The following NEBL variants were observed in gnomAD, a reference collection of about 807,000 sequenced individuals.
NEBL encodes LIM and SH3 protein 2.
NEBL carries 122 observed loss-of-function variants against 140.2 expected under a neutral mutation model. That is an observed-to-expected ratio of 0.87 (90% CI 0.75 to 1.01). NEBL has a LOEUF of 1.01. Ranked by LOEUF, NEBL falls within the 50% of genes least tolerant of loss-of-function variation. The probability of loss-of-function intolerance (pLI) is 0.00; values close to 1 mark genes in which losing one functional copy is unlikely to be tolerated. For missense variants in NEBL, 1,365 were observed against 1,231.3 expected, an observed-to-expected ratio of 1.11 and a Z score of -1.62; for synonymous variants, 436 against 398.9, an observed-to-expected ratio of 1.09 and a Z score of -1.11.
chr10:20,986,983 A>G (rs1275215687), intron 3 of NEBL, among the ~76,000 whole-genome samples: 1 of 152,166 alleles, frequency 6.6e-6, no homozygotes, highest in Non-Finnish European at 1.5e-5. Flanking sequence ...TTGGAGTCCT[A>G]TTTTAGCAAT....
At chr10:20,796,711 A>AT (rs1233568008) in intron 26 of NEBL, among the ~76,000 whole-genome samples, 8 of 152,172 alleles carry the variant, frequency 5.3e-5, no homozygotes, top group Non-Finnish European at 1.0e-4. Context: ...TGCCACTTCC[A>AT]TTTTTTTCCC....
chr10:20,784,708 T>C lies in NEBL; in HGVS notation c.*1039A>G, dbSNP rs1355764913. On this transcript the variant is annotated 3_prime_UTR_variant, in exon 28 of 28. Coordinates refer to ENST00000377122, the MANE Select transcript of NEBL (RefSeq NM_006393.3). ...TACATTTTCTTCACTTTGAAATCAATGGTGGCATTAAGTTAATCAAAGCTG... is the reference window on the plus strand; with the variant it reads ...TACATTTTCTTCACTTTGAAATCAACGGTGGCATTAAGTTAATCAAAGCTG... 1.3e-5 allele frequency: 2 copies of C among 152,196 alleles called. No individual in the cohort carries two copies. Among genetic ancestry groups the C allele is most frequent in the Non-Finnish European group, 2.9e-5 (2 of 68,030 alleles). 9.4% of individuals were successfully genotyped at this position (152,196 alleles called of 1,614,324 possible). A position where few individuals can be genotyped will look rare whatever the true frequency, so the allele number is the denominator to read the frequency against.
chr10:20,836,561 T>C (rs1329691925), intron 13 of NEBL, among the ~76,000 whole-genome samples: 1 of 151,978 alleles, frequency 6.6e-6, no homozygotes, highest in East Asian at 1.9e-4. Context: ...GACAGACAGA[T>C]AGGAGGGGGT....
At chr10:21,287,471 G>T (rs570374931) in intron 1 of NEBL, among the ~76,000 whole-genome samples, 35 of 152,260 alleles carry the variant, frequency 2.3e-4, no homozygotes, top group African/African-American at 7.7e-4. Context: ...GGGAGGTGGA[G>T]GTTGCAGTGA....
chr10:21,224,856 A>T (rs80200617), intron 3 of NEBL, among the ~76,000 whole-genome samples: 1,860 of 152,284 alleles, frequency 0.012, 38 homozygotes, highest in African/African-American at 0.043. Context: ...TTGGTTTTGT[A>T]TCCTGCAACT....
At chr10:21,126,216 T>G in intron 2 of NEBL, 2 of 1,262,722 alleles carry the variant, frequency 1.6e-6, no homozygotes, top group Admixed American at 4.5e-5. Context: ...AACAACTACA[T>G]TGCTGGTTAT....
chr10:21,123,268 C>A (rs1226441305), intron 2 of NEBL, among the ~76,000 whole-genome samples: 1 of 152,128 alleles, frequency 6.6e-6, no homozygotes, highest in African/African-American at 2.4e-5. Flanking sequence ...TGCTTTTTGT[C>A]ATTTTGGGAC....
At chr10:21,291,680 CAAG>C (rs1056196646) in intron 1 of NEBL, among the ~76,000 whole-genome samples, 21 of 151,568 alleles carry the variant, frequency 1.4e-4, no homozygotes, top group African/African-American at 4.8e-4. Context: ...TTTGGGAGGC[CAAG>C]GAGGGTGGAT....
intron 2 of NEBL, among the ~76,000 whole-genome samples, chr10:21,055,004 T>C (rs1834946364): frequency 6.6e-6 from 1 of 152,218 alleles, no homozygotes; most frequent in African/African-American, 2.4e-5. Context: ...GAAAGTTCTG[T>C]TTCTGTTAAG....
chr10:20,936,130 T>C (rs940341007), intron 4 of NEBL, among the ~76,000 whole-genome samples: 5 of 152,240 alleles, frequency 3.3e-5, no homozygotes, highest in Non-Finnish European at 5.9e-5. Flanking sequence ...TTTCAGTTTA[T>C]TGCATAATAA....
chr10:21,082,535 T>TAAAAAAAAAAAAAAAAAAAAAAAAAAAAA (rs61234594), intron 2 of NEBL, among the ~76,000 whole-genome samples: 3 of 117,306 alleles, frequency 2.6e-5, no homozygotes, highest in African/African-American at 1.2e-4. Context: ...CCACCACCAC[T>TAAAAAAAAAAAAAAAAAAAAAAAAAAAAA]AAAAAAAAAA....
chr10:21,119,627 TAGCA>T (rs1210368388), intron 2 of NEBL, among the ~76,000 whole-genome samples: 4 of 151,948 alleles, frequency 2.6e-5, no homozygotes, highest in Non-Finnish European at 4.4e-5. Context: ...TGAAAGTTAG[TAGCA>T]AGCATTATGA....
At chr10:21,061,064 A>G (rs1835252241) in intron 2 of NEBL, among the ~76,000 whole-genome samples, 1 of 151,868 alleles carries the variant, frequency 6.6e-6, no homozygotes, top group Non-Finnish European at 1.5e-5. Context: ...AATTTAACCA[A>G]ACTAAATAGA....
intron 5 of NEBL, among the ~76,000 whole-genome samples, chr10:20,877,639 T>G (rs1221775121): frequency 1.3e-5 from 2 of 152,152 alleles, no homozygotes; most frequent in Non-Finnish European, 2.9e-5. Flanking sequence ...CCATCTTCCC[T>G]TTTCCTTTCC....
At chr10:20,999,877 C>A (rs1429379766) in intron 3 of NEBL, among the ~76,000 whole-genome samples, 1 of 152,014 alleles carries the variant, frequency 6.6e-6, no homozygotes, top group Non-Finnish European at 1.5e-5. Context: ...CAAAGAAATG[C>A]AATTTCATCG....
intron 3 of NEBL, among the ~76,000 whole-genome samples, chr10:21,244,164 A>G (rs931288159): frequency 2.7e-4 from 41 of 151,912 alleles, no homozygotes; most frequent in African/African-American, 9.6e-4. Flanking sequence ...TCCACTCCCT[A>G]AGCTTATTCT....
intron 3 of NEBL, among the ~76,000 whole-genome samples, chr10:20,991,755 C>T: frequency 6.9e-6 from 1 of 145,934 alleles, no homozygotes; most frequent in East Asian, 2.1e-4. Context: ...ACCTTTGCTC[C>T]CTCCCTCCCT....
intron 2 of NEBL, among the ~76,000 whole-genome samples, chr10:21,084,061 A>G (rs1389876234): frequency 1.3e-5 from 2 of 152,170 alleles, no homozygotes; most frequent in South Asian, 2.1e-4. Flanking sequence ...ACAGTTCCCA[A>G]GTATTTGGGT....
At chr10:21,268,475 T>C (rs1473753173) in intron 1 of NEBL, among the ~76,000 whole-genome samples, 3 of 151,986 alleles carry the variant, frequency 2.0e-5, no homozygotes, top group Non-Finnish European at 4.4e-5. Flanking sequence ...AGAGCAAGGC[T>C]CTATCTCTAA....
Sources: gnomAD v4.1 joint callset for allele counts (sites outside exome capture counted in the v4.1 genomes callset) on GRCh38, gnomAD v4.1.1 for gene constraint, MANE v1.5 for transcripts, NCBI Gene and HGNC (gene_info 2026-07-23, HGNC 2026-07-21) for gene names.